FAM81A: variants seen among roughly 807,000 people sequenced by gnomAD.
FAM81A encodes protein FAM81A.
A neutral mutation model predicts 46.7 loss-of-function variants in FAM81A; 19 were observed. The observed-to-expected ratio is 0.41, with a 90% confidence interval of 0.28 to 0.60. The LOEUF (loss-of-function observed/expected upper bound fraction) is 0.60. FAM81A is among the 20% of genes least tolerant of loss of function. FAM81A has a pLI of 0.34. For missense variants in FAM81A, 377 were observed against 453.5 expected (o/e 0.83, Z 1.53); for synonymous variants, 183 against 152.9 (o/e 1.20, Z -1.45).
At chr15:59,499,013 G>C (rs75495317) in intron 4 of FAM81A, among the ~76,000 whole-genome samples, 1,712 of 152,212 alleles carry the variant, frequency 0.011, 29 homozygotes, top group African/African-American at 0.039. Flanking sequence ...GGTTGAGAAA[G>C]ATTTTCTTTT....
chr15:59,492,296 G>A lies in FAM81A; in HGVS notation c.320G>A (p.Arg107Gln), dbSNP rs750093753. ...IEVLQEQIRA[R>Q]DNISYGTNSA... ...GTACTCCAGGAGCAGATTCGTGCCC[G>A]GGACAACATTAGCTATGGAACTAAT... Residue 107 changes from arginine to glutamine, a missense_variant, in exon 4 of 9, where the codon CGG (arginine) becomes CAG (glutamine). Arg to Gln is a conservative substitution (Grantham distance 43). Coordinates refer to ENST00000288228, the MANE Select transcript of FAM81A (RefSeq NM_152450.3). The A allele has an allele frequency of 3.7e-6, 6 of 1,613,344 alleles. No individual in the cohort carries two copies. Among genetic ancestry groups the A allele is most frequent in the East Asian group, 2.2e-5 (1 of 44,862 alleles).
chr15:59,427,820 G>T (rs1272187130), intron 2 of FAM81A, among the ~76,000 whole-genome samples: 1 of 152,170 alleles, frequency 6.6e-6, no homozygotes, highest in Non-Finnish European at 1.5e-5. Flanking sequence ...AATACACTTA[G>T]GTTGCTTCCA....
chr15:59,521,207 A>AT (rs762732476), intron 8 of FAM81A, 47 bp from the exon 9 acceptor site: 1 of 1,581,846 alleles, frequency 6.3e-7, no homozygotes, highest in Admixed American at 1.9e-5. Flanking sequence ...TTGATACAGC[A>AT]TTTTAAAAAA....
intron 2 of FAM81A, chr15:59,408,049 G>T: frequency 6.0e-6 from 1 of 167,460 alleles, no homozygotes; most frequent in South Asian, 1.5e-4. Context: ...AGATTCTTAG[G>T]CCTTTTCTCC....
chr15:59,420,682 A>C lies in FAM81A; in HGVS notation c.-78+18324A>C, dbSNP rs2081167602. 1.3e-5 allele frequency among the ~76,000 whole-genome samples: 2 copies of C among 151,270 alleles called. 1 individual carries two copies. The highest frequency in any genetic ancestry group is 4.2e-4 in the South Asian group (2 of 4,736). On this transcript the variant is annotated intron_variant, in intron 2 of 4. Transcript: ENST00000558348. ...CCCCAGTATCACTCATCCAGTGACG[A>C]AGCCAAGGAAGGCTCTTTTTTTTTT...
At chr15:59,476,183 C>T (rs2081765109) in intron 3 of FAM81A, among the ~76,000 whole-genome samples, 2 of 152,112 alleles carry the variant, frequency 1.3e-5, no homozygotes, top group African/African-American at 4.8e-5. Flanking sequence ...TAGGCCCCAC[C>T]TCCTAATACC....
At position 59,460,294 on chromosome 15, in the gene FAM81A, C is replaced by T. The variant is rs748621376; in HGVS notation, c.294+88C>T. On this transcript the variant is annotated intron_variant, in intron 3 of 8. Transcript: ENST00000288228. This position sits in a 1 kb window ranked among gnomAD's most constrained non-coding sequence, Gnocchi z 4.4. ...GTCACCCACATCTAACTCCTACCTC[C>T]CAGGCAGTACTGCATTTAGAACAAA... is the stretch of plus-strand genomic sequence containing the variant. The T allele has an allele frequency of 6.6e-7, 1 of 1,518,268 alleles. No individual in the cohort carries two copies. The highest frequency in any genetic ancestry group is 1.7e-5 in the Admixed American group (1 of 59,892). The allele number at this position is 1,518,268 out of a possible 1,614,324, so 94.0% of individuals were successfully genotyped here.
chr15:59,475,261 C>G (rs1319951069), intron 3 of FAM81A, among the ~76,000 whole-genome samples: 1 of 152,082 alleles, frequency 6.6e-6, no homozygotes. Context: ...TCTCATGCCT[C>G]AGCCTCCCAA....
chr15:59,518,913 A>G (rs1215879314), intron 8 of FAM81A, among the ~76,000 whole-genome samples: 1 of 150,050 alleles, frequency 6.7e-6, no homozygotes, highest in Non-Finnish European at 1.5e-5. Context: ...TAACATATGT[A>G]TCATCTCACA....
intron 4 of FAM81A, among the ~76,000 whole-genome samples, chr15:59,497,172 G>A (rs1351083193): frequency 6.6e-6 from 1 of 151,606 alleles, no homozygotes; most frequent in African/African-American, 2.4e-5. Context: ...ATCAGGCTAG[G>A]CATGGCGGCT....
intron 8 of FAM81A, among the ~76,000 whole-genome samples, chr15:59,518,974 T>TGG (rs1394927349): frequency 6.7e-6 from 1 of 149,878 alleles, no homozygotes; most frequent in African/African-American, 2.4e-5. Flanking sequence ...TGTGTGTGTG[T>TGG]GTGGCAAGAA....
chr15:59,424,832 T>A (rs1218743422), intron 2 of FAM81A, among the ~76,000 whole-genome samples: 1 of 152,174 alleles, frequency 6.6e-6, no homozygotes, highest in Non-Finnish European at 1.5e-5. Flanking sequence ...ACTACTACAA[T>A]AGCCTTAAAA....
chr15:59,435,148 G>A (rs190275533), upstream of FAM81A, among the ~76,000 whole-genome samples: 15 of 151,998 alleles, frequency 9.9e-5, no homozygotes, highest in African/African-American at 3.6e-4. Flanking sequence ...TTAGCTGGGC[G>A]TGGTGGTGCA....
chr15:59,466,536 C>T (rs1388322314), intron 3 of FAM81A, among the ~76,000 whole-genome samples: 1 of 151,210 alleles, frequency 6.6e-6, no homozygotes, highest in Non-Finnish European at 1.5e-5. Flanking sequence ...TTCCTTTGCC[C>T]ACTTTTTGAT....
intron 3 of FAM81A, among the ~76,000 whole-genome samples, chr15:59,474,485 C>A (rs1366171431): frequency 6.6e-6 from 1 of 152,104 alleles, no homozygotes; most frequent in Non-Finnish European, 1.5e-5. Context: ...CAGAGTGGAC[C>A]TCCTCCCATA....
chr15:59,429,200 A>G (rs1452981614), intron 2 of FAM81A, among the ~76,000 whole-genome samples: 1 of 152,186 alleles, frequency 6.6e-6, no homozygotes, highest in Non-Finnish European at 1.5e-5. Context: ...TGTATGTGAT[A>G]TTTAGTGCCT....
chr15:59,437,953 G>T (rs1376118137), upstream of FAM81A, among the ~76,000 whole-genome samples: 1 of 152,002 alleles, frequency 6.6e-6, no homozygotes, highest in African/African-American at 2.4e-5. Context: ...GCTATTTTGG[G>T]TGTGGGAACG....
intron 4 of FAM81A, among the ~76,000 whole-genome samples, chr15:59,499,057 T>C (rs2082063676): frequency 6.6e-6 from 1 of 152,230 alleles, no homozygotes; most frequent in South Asian, 2.1e-4. Flanking sequence ...GTTTTTATCA[T>C]GAAGGGGATT....
At chr15:59,510,047 A>G (rs1399392712) in intron 6 of FAM81A, among the ~76,000 whole-genome samples, 2 of 152,184 alleles carry the variant, frequency 1.3e-5, no homozygotes, top group African/African-American at 2.4e-5. Context: ...TACAGAATTG[A>G]TGAAAGAGAA....
Sources: allele counts gnomAD v4.1 joint callset (sites outside exome capture counted in the v4.1 genomes callset), GRCh38; gene constraint gnomAD v4.1.1; non-coding constraint Gnocchi (gnomAD v3.1); transcripts MANE v1.5; gene names NCBI Gene and HGNC (gene_info 2026-07-23, HGNC 2026-07-21).